NOL10: variants seen among roughly 807,000 people sequenced by gnomAD.
NOL10 encodes nucleolar protein 10, also known as H_NH0074G24.1.
NOL10 carries 58 observed loss-of-function variants against 103.5 expected under a neutral mutation model. That is an observed-to-expected ratio of 0.56 (90% CI 0.45 to 0.70). NOL10 has a LOEUF of 0.70. Ranked by LOEUF, NOL10 falls within the 30% of genes least tolerant of loss-of-function variation. The pLI is 0.00. For missense variants in NOL10, 763 were observed against 807.3 expected (o/e 0.95, Z 0.67); for synonymous variants, 287 against 282.5 (o/e 1.02, Z -0.16).
chr2:10,631,831 CA>C (rs1677868709), intron 13 of NOL10, among the ~76,000 whole-genome samples: 1 of 152,048 alleles, frequency 6.6e-6, no homozygotes, highest in African/African-American at 2.4e-5. Context: ...TCTCTTGCCT[CA>C]GCCTCCCTAG....
At chr2:10,678,237 G>A (rs1299146565) in intron 3 of NOL10, among the ~76,000 whole-genome samples, 2 of 150,816 alleles carry the variant, frequency 1.3e-5, no homozygotes, top group African/African-American at 4.9e-5. Flanking sequence ...TTTTTTGTAG[G>A]GACAGGATCT....
Position 10,639,149 on chromosome 2 carries a change from G to A in NOL10, c.1026+5171C>T, listed in dbSNP as rs181183874. 2.9e-3 allele frequency among the ~76,000 whole-genome samples: 436 copies of A among 151,912 alleles called. 4 individuals carry two copies. The highest frequency in any genetic ancestry group is 9.4e-3 in the African/African-American group (392 of 41,490). On this transcript the variant is annotated intron_variant, in intron 13 of 20. Transcript: ENST00000381685. Reference sequence around the variant, plus strand: ...CTAAATCAAACAGCTTGGGCCAGGCGCGGTGGCTCACACCTGTAATCCCAG... The same window carrying A: ...CTAAATCAAACAGCTTGGGCCAGGCACGGTGGCTCACACCTGTAATCCCAG...
chr2:10,689,916 C>G lies in NOL10; in HGVS notation c.-55G>C, dbSNP rs981927998. On this transcript the variant is annotated 5_prime_UTR_variant, in exon 1 of 21. Coordinates refer to ENST00000381685, the MANE Select transcript of NOL10 (RefSeq NM_024894.4). ...GTCCTTTCCCACCAGCGTGCTCGAG[C>G]ACCGTAATCCCGGGACCTCCGAGCC... 1 of 1,527,500 alleles carries G rather than the reference C, an allele frequency of 6.5e-7. No individual in the cohort carries two copies. The highest frequency in any genetic ancestry group is 1.9e-5 in the Admixed American group (1 of 52,006). The allele number at this position is 1,527,500 out of a possible 1,614,324, so 94.6% of individuals were successfully genotyped here. A position where few individuals can be genotyped will look rare whatever the true frequency, so the allele number is the denominator to read the frequency against.
chr2:10,657,175 T>A (rs113291671), intron 11 of NOL10, among the ~76,000 whole-genome samples: 1 of 151,988 alleles, frequency 6.6e-6, no homozygotes, highest in Non-Finnish European at 1.5e-5. Flanking sequence ...AAAAATTAGC[T>A]GGGCATGGTG....
chr2:10,659,326 T>A, intron 9 of NOL10, 76 bp from the exon 10 acceptor site: 1 of 349,152 alleles, frequency 2.9e-6, no homozygotes, highest in Non-Finnish European at 5.7e-6. Flanking sequence ...TTATTAGTCT[T>A]CACTTCAAAT....
At chr2:10,681,594 T>C (rs904391435) in intron 3 of NOL10, among the ~76,000 whole-genome samples, 5 of 152,226 alleles carry the variant, frequency 3.3e-5, no homozygotes. Flanking sequence ...CCAATATAAA[T>C]GTTTTTACCT....
intron 17 of NOL10, among the ~76,000 whole-genome samples, chr2:10,595,875 G>C (rs140098327): frequency 0.037 from 5,677 of 151,412 alleles, 205 homozygotes; most frequent in African/African-American, 0.095. Flanking sequence ...GAAGTGCTGG[G>C]ATTACAGGTG....
rs1277949735 is a variant in NOL10 at position 10,678,894 on chromosome 2, ATGTGAGGCT to A, written c.212-3032_212-3024del. ...CTGTCCAATATGGCAGCCACTAGTA[ATGTGAGGCT>A]AAGTTAAAATGAATTAAAATCAAAT... On this transcript the variant is annotated intron_variant, in intron 3 of 20. Transcript: ENST00000381685. Among the ~76,000 whole-genome samples, 428 of 152,314 alleles carry A rather than the reference ATGTGAGGCT, an allele frequency of 2.8e-3. 2 individuals are homozygous for A. Among genetic ancestry groups the A allele is most frequent in the Non-Finnish European group, 3.5e-3 (241 of 68,018 alleles).
In NOL10 at chr2:10,606,226, CT is replaced by C. The variant is rs58301569; in HGVS notation, c.1153+958del. ...GAAACTTCTGGCAATGTACATTTAT[CT>C]TTTTTTTTTTTTTGCCTCAGTTTCC... On this transcript the variant is annotated intron_variant, in intron 14 of 20. Coordinates refer to ENST00000381685, the MANE Select transcript of NOL10 (RefSeq NM_024894.4). Among the ~76,000 whole-genome samples the C allele has an allele frequency of 6.7e-4, 100 of 149,456 alleles. No homozygotes were observed. The East Asian group carries it at 8.0e-3, about 12-fold the overall frequency.
intron 19 of NOL10, among the ~76,000 whole-genome samples, chr2:10,581,455 G>A (rs748090176): frequency 5.3e-5 from 8 of 152,184 alleles, no homozygotes; most frequent in Non-Finnish European, 1.2e-4. Flanking sequence ...AAGTATTTAT[G>A]CAGCCAGAAG....
At chr2:10,639,332 G>A (rs1232936999) in intron 13 of NOL10, among the ~76,000 whole-genome samples, 1 of 152,188 alleles carries the variant, frequency 6.6e-6, no homozygotes, top group African/African-American at 2.4e-5. Flanking sequence ...TGAGACAGGA[G>A]AATGGCGTGA....
At chr2:10,605,151 G>C (rs752409144) in intron 14 of NOL10, among the ~76,000 whole-genome samples, 2 of 152,204 alleles carry the variant, frequency 1.3e-5, no homozygotes, top group Admixed American at 6.5e-5. Context: ...CAGATATTAA[G>C]TGAGAAAGGT....
intron 13 of NOL10, 46 bp downstream of exon 13, chr2:10,644,274 C>A (rs567314323): frequency 2.3e-6 from 3 of 1,304,170 alleles, no homozygotes; most frequent in East Asian, 2.8e-5. Flanking sequence ...TAAAAAGTAT[C>A]TTTGCTTGTC....
chr2:10,655,989 G>A (rs1679823012), intron 11 of NOL10, among the ~76,000 whole-genome samples: 1 of 152,172 alleles, frequency 6.6e-6, no homozygotes, highest in South Asian at 2.1e-4. Flanking sequence ...CAAAGGGAAA[G>A]GAATTATAAT....
intron 9 of NOL10, 55 bp downstream of exon 9, chr2:10,662,904 A>G: frequency 1.6e-6 from 2 of 1,249,830 alleles, no homozygotes; most frequent in Admixed American, 3.7e-5. Context: ...ATATAGACAC[A>G]TTACTTAAAT....
intron 12 of NOL10, 101 bp from the exon 13 acceptor site, chr2:10,644,473 C>A: frequency 1.3e-6 from 1 of 746,188 alleles, no homozygotes; most frequent in Non-Finnish European, 2.1e-6. Flanking sequence ...TTCTGTTAGT[C>A]AGTGAACCAA....
rs377564861 is a variant in NOL10 at position 10,616,914 on chromosome 2, C to T, written c.1027-9603G>A. Among the ~76,000 whole-genome samples, 7 of 152,220 alleles carry T rather than the reference C, an allele frequency of 4.6e-5. No homozygotes were observed. In the East Asian group the frequency reaches 1.4e-3, roughly 29 times the overall value. On this transcript the variant is annotated intron_variant, in intron 13 of 20. Coordinates refer to ENST00000381685, the MANE Select transcript of NOL10 (RefSeq NM_024894.4). Reference sequence around the variant, plus strand: ...CATTCACTTATTCAACAAAGAGTTACCTCCCCATTCACTTATTCAACAAAG... The same window carrying T: ...CATTCACTTATTCAACAAAGAGTTATCTCCCCATTCACTTATTCAACAAAG...
intron 3 of NOL10, among the ~76,000 whole-genome samples, chr2:10,679,939 T>C (rs920022322): frequency 2.6e-5 from 4 of 151,970 alleles, no homozygotes; most frequent in South Asian, 2.1e-4. Context: ...ATTTATTAAA[T>C]ATTTTTAAGA....
rs147982104 is a variant in NOL10 at position 10,629,790 on chromosome 2, T to C, written c.1026+14530A>G. On this transcript the variant is annotated intron_variant, in intron 13 of 20. Transcript: ENST00000381685. Reference sequence around the variant, plus strand: ...ATTTTCCTTGCTCACATTCACAAGTTTGTCACAATCTTTTCCGTGTATAGC... The same window carrying C: ...ATTTTCCTTGCTCACATTCACAAGTCTGTCACAATCTTTTCCGTGTATAGC... Among the ~76,000 whole-genome samples, 78 of 152,340 alleles carry C rather than the reference T, an allele frequency of 5.1e-4. No individual in the cohort carries two copies. In the East Asian group the frequency reaches 5.6e-3, roughly 11 times the overall value.
Sources: gnomAD v4.1 joint callset for allele counts (sites outside exome capture counted in the v4.1 genomes callset) on GRCh38, gnomAD v4.1.1 for gene constraint, MANE v1.5 for transcripts, NCBI Gene and HGNC (gene_info 2026-07-23, HGNC 2026-07-21) for gene names.